Variants in ZBTB44 observed in about 807,000 individuals in gnomAD.
The protein encoded by ZBTB44 is zinc finger and BTB domain containing 44.
A neutral mutation model predicts 54.0 loss-of-function variants in ZBTB44; 15 were observed. That is an observed-to-expected ratio of 0.28 (90% CI 0.19 to 0.43). The LOEUF is 0.43. Among genes scored for constraint, ZBTB44 ranks in the 20% least tolerant of loss-of-function variants. ZBTB44 has a pLI of 1.00. For missense variants in ZBTB44, 487 were observed against 707.1 expected, an observed-to-expected ratio of 0.69 and a Z score of 3.53; for synonymous variants, 230 against 250.1, an observed-to-expected ratio of 0.92 and a Z score of 0.76.
intron 1 of ZBTB44, among the ~76,000 whole-genome samples, chr11:130,309,612 G>A (rs1298888253): frequency 1.3e-5 from 2 of 152,040 alleles, no homozygotes; most frequent in Non-Finnish European, 2.9e-5. Flanking sequence ...AGTGGCTCAC[G>A]TCTGTAATTC....
chr11:130,287,957 T>C (rs574751985), intron 1 of ZBTB44, among the ~76,000 whole-genome samples: 1 of 150,282 alleles, frequency 6.7e-6, no homozygotes, highest in African/African-American at 2.5e-5. Flanking sequence ...AAACTAAATT[T>C]TCTCAGACAA....
intron 1 of ZBTB44, among the ~76,000 whole-genome samples, chr11:130,274,985 C>G (rs1243058530): frequency 6.6e-6 from 1 of 152,168 alleles, no homozygotes; most frequent in African/African-American, 2.4e-5. Context: ...CTATCTGAGC[C>G]TGGGCTTTTC....
intron 1 of ZBTB44, among the ~76,000 whole-genome samples, chr11:130,262,901 AC>A (rs1326837746): frequency 6.6e-5 from 10 of 152,036 alleles, no homozygotes; most frequent in Non-Finnish European, 1.3e-4. Context: ...CTACAAAAAA[AC>A]ACATAAAAAT....
rs774166376 is a variant in ZBTB44 at position 130,261,216 on chromosome 11, G to C, written c.658C>G (p.Gln220Glu). The change falls in exon 2 of 8, where the codon CAA (glutamine) becomes GAA (glutamate). Residue 220 changes from glutamine to glutamate, a missense_variant. Coordinates refer to ENST00000357899, the MANE Select transcript of ZBTB44 (RefSeq NM_001301098.2). The surrounding 1 kb of genome is among the most constrained non-coding windows in gnomAD (Gnocchi z 4.8). Reference sequence around the variant, plus strand: ...AAAGCTAAGGAAGAGTCAACTGGTTGGTTTCTATTTTCTGAGTAGGAAGCT... The same window carrying C: ...AAAGCTAAGGAAGAGTCAACTGGTTCGTTTCTATTTTCTGAGTAGGAAGCT... ...SSASYSENRN[Q>E]PVDSSLAFPW... is the part of the protein sequence containing the mutation. The C allele has an allele frequency of 5.6e-6, 9 of 1,613,814 alleles. No homozygotes were observed. Among genetic ancestry groups the C allele is most frequent in the Middle Eastern group, 1.6e-4 (1 of 6,084 alleles).
rs376437625 is a variant in ZBTB44 at position 130,261,286 on chromosome 11, T to C, written c.588A>G (p.Val196=). 2.5e-6 allele frequency: 4 copies of C among 1,613,910 alleles called. No individual in the cohort carries two copies. The highest frequency in any genetic ancestry group is 3.4e-6 in the Non-Finnish European group (4 of 1,179,896). The change falls in exon 2 of 8, where the codon GTA becomes GTG. Residue 196 remains valine (V), a synonymous_variant. Coordinates refer to ENST00000357899, the MANE Select transcript of ZBTB44 (RefSeq NM_001301098.2). The surrounding 1 kb of genome is among the most constrained non-coding windows in gnomAD (Gnocchi z 4.8). ...GTGAGCTTGTTTGTGTGCCACACTTTACAGGACTTTCAGGAGACATAACAA... is the reference window on the plus strand; with the variant it reads ...GTGAGCTTGTTTGTGTGCCACACTTCACAGGACTTTCAGGAGACATAACAA... ...SYIVMSPESP[V]KCGTQTSSPQ...
intron 2 of ZBTB44, among the ~76,000 whole-genome samples, chr11:130,240,104 C>T (rs903232390): frequency 8.1e-5 from 12 of 148,240 alleles, no homozygotes; most frequent in Middle Eastern, 3.6e-3. Context: ...TGCGGTGGCG[C>T]GATCTCGGCT....
chr11:130,244,535 C>T (rs1164289271), intron 2 of ZBTB44, among the ~76,000 whole-genome samples: 13 of 151,680 alleles, frequency 8.6e-5, no homozygotes, highest in African/African-American at 1.7e-4. Context: ...GGCGTGGTGG[C>T]GGGTGCCTGT....
At position 130,231,396 on chromosome 11, in the gene ZBTB44, C is replaced by T. The variant is rs1953870339; in HGVS notation, c.*368G>A. 6.6e-6 allele frequency: 1 copy of T among 152,078 alleles called. No individual in the cohort carries two copies. Among genetic ancestry groups the T allele is most frequent in the South Asian group, 2.1e-4 (1 of 4,826 alleles). The allele number at this position is 152,078 out of a possible 1,614,324, so 9.4% of individuals were successfully genotyped here. ...TAAGATCTGGGCAGCAGACAACTAA[C>T]CAGATATGCATTTTCACAGTATATT... On this transcript the variant is annotated 3_prime_UTR_variant, in exon 8 of 8. Transcript: ENST00000357899.
chr11:130,275,301 TC>T (rs1414926296), intron 1 of ZBTB44, among the ~76,000 whole-genome samples: 1 of 152,194 alleles, frequency 6.6e-6, no homozygotes, highest in African/African-American at 2.4e-5. Context: ...GTTTGTAATG[TC>T]GTATCTTCAT....
In ZBTB44 at chr11:130,298,755, G is replaced by A. The variant is rs143572906; in HGVS notation, c.-57+15620C>T. On this transcript the variant is annotated intron_variant, in intron 1 of 7. Coordinates refer to ENST00000357899, the MANE Select transcript of ZBTB44 (RefSeq NM_001301098.2). ...TAGGATTACAGGCGTGAGCCACCAC[G>A]CCCAGCAATAGTTGAAGATTTTAAT... is the stretch of plus-strand genomic sequence containing the variant. 5.7e-4 allele frequency among the ~76,000 whole-genome samples: 86 copies of A among 151,872 alleles called. 4 individuals carry two copies. The East Asian group carries it at 0.014, about 24-fold the overall frequency.
intron 1 of ZBTB44, among the ~76,000 whole-genome samples, chr11:130,278,739 TTTTTTTCAATTCCAGAATTTCTAATTG>T (rs1940291520): frequency 6.6e-6 from 1 of 152,194 alleles, no homozygotes; most frequent in South Asian, 2.1e-4. Context: ...CGGTTAATTA[TTTTTTTCAATTCCAGAATTTCTAATTG>T]TTTTTTCAAT....
At chr11:130,267,490 T>C (rs2134167813) in intron 1 of ZBTB44, among the ~76,000 whole-genome samples, 1 of 151,980 alleles carries the variant, frequency 6.6e-6, no homozygotes, top group South Asian at 2.1e-4. Context: ...ACCGTAGCCT[T>C]GAAGTCCTAG....
chr11:130,235,463 A>T (rs150126322), intron 5 of ZBTB44, among the ~76,000 whole-genome samples: 3 of 152,208 alleles, frequency 2.0e-5, no homozygotes, highest in Non-Finnish European at 4.4e-5. Context: ...TCTGGTTTGA[A>T]GGGAAAAACA....
intron 2 of ZBTB44, among the ~76,000 whole-genome samples, chr11:130,248,416 C>T (rs905797244): frequency 2.6e-5 from 4 of 151,334 alleles, no homozygotes; most frequent in Admixed American, 6.6e-5. Context: ...CTGAGGCAGG[C>T]GATCACTTGA....
intron 1 of ZBTB44, among the ~76,000 whole-genome samples, chr11:130,283,828 G>T (rs1425673869): frequency 1.3e-5 from 2 of 151,724 alleles, no homozygotes; most frequent in Non-Finnish European, 2.9e-5. Flanking sequence ...AAATTAGCTG[G>T]GCATGATGGC....
chr11:130,248,684 A>C (rs1937735363), intron 2 of ZBTB44, among the ~76,000 whole-genome samples: 1 of 152,094 alleles, frequency 6.6e-6, no homozygotes, highest in Non-Finnish European at 1.5e-5. Context: ...GAAACAAACC[A>C]CATTGGGATT....
In ZBTB44 at chr11:130,239,842, C is replaced by T; in HGVS notation, c.1073G>A (p.Ser358Asn). The T allele has an allele frequency of 6.2e-7, 1 of 1,612,594 alleles. No homozygotes were observed. Among genetic ancestry groups the T allele is most frequent in the African/African-American group, 1.3e-5 (1 of 74,992 alleles). Residue 358 changes from serine to asparagine, a missense_variant, in exon 3 of 8, where the codon AGC becomes AAC. Ser to Asn is a conservative substitution (Grantham distance 46, BLOSUM62 1). Around this residue, in one of 3 missense-constraint regions of ZBTB44, gnomAD observed 277 missense variants for 306.5 expected, o/e 0.90. Transcript: ENST00000357899. ...ATCATCATCCGGAGGAGCATTAGTG[C>T]TAGACGTGCTTTGAAGTGTAGGCAA... is the stretch of plus-strand genomic sequence containing the variant. ...EGLPTLQSTS[S>N]TNAPPDDDDR...
intron 1 of ZBTB44, among the ~76,000 whole-genome samples, chr11:130,270,555 T>G (rs1565666338): frequency 6.6e-6 from 1 of 152,196 alleles, no homozygotes. Context: ...AGACCTACAA[T>G]CTTCTTCAAA....
intron 1 of ZBTB44, among the ~76,000 whole-genome samples, chr11:130,267,806 G>A (rs1396975379): frequency 6.6e-6 from 1 of 152,074 alleles, no homozygotes; most frequent in East Asian, 1.9e-4. Context: ...GCTCATGCCT[G>A]TAATCCCAGC....
Sources: gnomAD v4.1 joint callset for allele counts (sites outside exome capture counted in the v4.1 genomes callset) on GRCh38, gnomAD v4.1.1 for gene constraint, gnomAD v4.1.1 regional missense constraint, Gnocchi (gnomAD v3.1) non-coding constraint, MANE v1.5 for transcripts, NCBI Gene and HGNC (gene_info 2026-07-23, HGNC 2026-07-21) for gene names.